Variants in CDC25B observed in about 807,000 individuals in gnomAD.
CDC25B encodes the protein cell division cycle 25B, also known as M-phase inducer phosphatase 2.
In CDC25B, 33 loss-of-function variants were observed where a neutral mutation model predicts 69.8. The ratio of observed to expected loss-of-function variants is 0.47; its 90% CI spans 0.36 to 0.63. The LOEUF (loss-of-function observed/expected upper bound fraction) is 0.63, where lower values mean the gene tolerates loss of function less well. Ranked by LOEUF, CDC25B falls within the 30% of genes least tolerant of loss-of-function variation. The probability of loss-of-function intolerance (pLI) is 0.00; values close to 1 mark genes in which losing one functional copy is unlikely to be tolerated. For missense variants in CDC25B, 727 were observed against 809.1 expected (o/e 0.90, Z 1.23); for synonymous variants, 341 against 314.6 (o/e 1.08, Z -0.89).
Position 3,802,017 on chromosome 20 carries a change from C to T in CDC25B, c.1015C>T (p.Pro339Ser). The T allele has an allele frequency of 6.3e-7, 1 of 1,594,766 alleles. No homozygotes were observed. Among genetic ancestry groups the T allele is most frequent in the African/African-American group, 1.3e-5 (1 of 74,388 alleles). The stretch of plus-strand genomic sequence containing the variant: ...GCCCATCCTCAAGAGGCTGGAGCGG[C>T]CCCAGGACAGGGACACGCCCGTGCA... ...IRPILKRLER[P>S]QDRDTPVQNK... Residue 339 changes from proline (P) to serine (S), a missense_variant, in exon 10 of 16, where the codon CCC becomes TCC. Around this residue, in one of 2 missense-constraint regions of CDC25B, gnomAD observed 359 missense variants for 463.4 expected, o/e 0.77. Coordinates refer to ENST00000245960, the MANE Select transcript of CDC25B (RefSeq NM_021873.4).
upstream of CDC25B, among the ~76,000 whole-genome samples, chr20:3,793,214 T>C (rs1046303957): frequency 3.3e-5 from 5 of 152,174 alleles, no homozygotes; most frequent in Non-Finnish European, 7.4e-5. Flanking sequence ...TCCTAGCACT[T>C]TGGGAGGCCG....
intron 7 of CDC25B, 23 bp from the exon 8 acceptor site, chr20:3,801,231 G>C: frequency 6.2e-7 from 1 of 1,612,280 alleles, no homozygotes; most frequent in Non-Finnish European, 8.5e-7. Flanking sequence ...CTCTAAGTCT[G>C]TGTCTGTCTG....
At chr20:3,787,666 G>A (rs1156449143) in intron 1 of CDC25B, among the ~76,000 whole-genome samples, 9 of 152,170 alleles carry the variant, frequency 5.9e-5, no homozygotes, top group African/African-American at 2.2e-4. Flanking sequence ...ATGTATAGCT[G>A]TGTTTTTAAA....
At chr20:3,800,210 T>TGACTGGAGACCTGGTGCTAG in intron 3 of CDC25B, 78 bp from the exon 4 acceptor site, 2 of 1,285,612 alleles carry the variant, frequency 1.6e-6, no homozygotes, top group Non-Finnish European at 2.2e-6. Context: ...TACTCCCCCC[T>TGACTGGAGACCTGGTGCTAG]GGACTGGGGG....
intron 2 of CDC25B, 101 bp downstream of exon 2, chr20:3,797,850 C>T: frequency 6.9e-7 from 1 of 1,440,368 alleles, no homozygotes; most frequent in Non-Finnish European, 9.5e-7. Context: ...TAACATCCTC[C>T]CCACAACCTG....
Position 3,798,731 on chromosome 20 carries a change from A to G in CDC25B, c.380+268A>G, listed in dbSNP as rs11569990. Among the ~76,000 whole-genome samples, 16 of 152,356 alleles carry G rather than the reference A, an allele frequency of 1.1e-4. 1 individual carries two copies. The East Asian group carries it at 3.1e-3, about 29-fold the overall frequency. ...GACAGTGGCCACTGGGAGAGCAGAT[A>G]CTAGACTACAGCCCATGTCTTGCAG... On this transcript the variant is annotated intron_variant, in intron 3 of 15. Coordinates refer to ENST00000245960, the MANE Select transcript of CDC25B (RefSeq NM_021873.4).
At chr20:3,790,751 G>T (rs531159855) in intron 1 of CDC25B, among the ~76,000 whole-genome samples, 39 of 152,084 alleles carry the variant, frequency 2.6e-4, no homozygotes, top group African/African-American at 7.7e-4. Context: ...TGTATTTTTA[G>T]TAGAGACAGG....
At chr20:3,790,124 A>G (rs1052146335) in intron 1 of CDC25B, among the ~76,000 whole-genome samples, 2 of 152,060 alleles carry the variant, frequency 1.3e-5, no homozygotes, top group Non-Finnish European at 2.9e-5. Flanking sequence ...CCACTGCATT[A>G]CAGCTTGGGT....
chr20:3,802,766 C>T, intron 11 of CDC25B, 144 bp from the exon 12 acceptor site: 1 of 679,580 alleles, frequency 1.5e-6, no homozygotes, highest in Non-Finnish European at 2.6e-6. Context: ...AGGTGCCTCT[C>T]AGTTGCCATG....
Position 3,796,414 on chromosome 20 carries a change from TCCTTCCCCCCCCCC to T in CDC25B, c.-115_-102del. 7.3e-6 allele frequency: 1 copy of T among 137,704 alleles called. No homozygotes were observed. The highest frequency in any genetic ancestry group is 3.1e-4 in the African/African-American group (1 of 3,184). 8.5% of individuals were successfully genotyped at this position (137,704 alleles called of 1,614,324 possible). On this transcript the variant is annotated 5_prime_UTR_variant, in exon 1 of 16. Coordinates refer to ENST00000245960, the MANE Select transcript of CDC25B (RefSeq NM_021873.4). ...GGCCCTGTGGCTCTTCCTCCCTCCCTCCTTCCCCCCCCCCCCACCCCTCGCCCGCTGCCTCCCTC... is the reference window on the plus strand; with the variant it reads ...GGCCCTGTGGCTCTTCCTCCCTCCCTCCACCCCTCGCCCGCTGCCTCCCTC...
At chr20:3,795,959 T>TC (rs1364674004), upstream of CDC25B, 1 of 987,396 alleles carries the variant, frequency 1.0e-6, no homozygotes, top group African/African-American at 1.7e-5. Flanking sequence ...TTGGAGCCTC[T>TC]CCCCATCCCT....
chr20:3,796,926 A>C (rs1380091446), intron 1 of CDC25B, among the ~76,000 whole-genome samples, 195 bp downstream of exon 1: 1 of 151,982 alleles, frequency 6.6e-6, no homozygotes, highest in Non-Finnish European at 1.5e-5. Context: ...TGTGCCCCCC[A>C]CACCTCCAGG....
At chr20:3,794,746 C>T (rs1427920442), upstream of CDC25B, among the ~76,000 whole-genome samples, 1 of 152,144 alleles carries the variant, frequency 6.6e-6, no homozygotes, top group African/African-American at 2.4e-5. Flanking sequence ...CCTTGGCCAC[C>T]CCTCTCAGGT....
chr20:3,805,304 T>G lies in CDC25B; in HGVS notation c.*343T>G. On this transcript the variant is annotated 3_prime_UTR_variant, in exon 16 of 16. Coordinates refer to ENST00000245960, the MANE Select transcript of CDC25B (RefSeq NM_021873.4). ...GTGTCCTGAAACGCTCCTTTGTGTG[T>G]GTGTCAGCTGAGGCTGGGGGAGAGC... The G allele has an allele frequency of 3.0e-6, 1 of 334,790 alleles. No individual in the cohort carries two copies. Among genetic ancestry groups the G allele is most frequent in the Non-Finnish European group, 5.6e-6 (1 of 178,094 alleles). 20.7% of individuals were successfully genotyped at this position (334,790 alleles called of 1,614,324 possible). A position where few individuals can be genotyped will look rare whatever the true frequency, so the allele number is the denominator to read the frequency against.
chr20:3,801,504 A>T (rs1177981822), intron 8 of CDC25B, 116 bp downstream of exon 8: 3 of 1,327,600 alleles, frequency 2.3e-6, no homozygotes, highest in Admixed American at 2.3e-5. Flanking sequence ...CAGAAGAAGA[A>T]TCTGAGGTAA....
Position 3,804,871 on chromosome 20 carries a change from G to A in CDC25B, c.1653G>A (p.Lys551=). The change falls in exon 16 of 16, where the codon AAG becomes AAA. Residue 551 remains lysine (K), a synonymous_variant. Coordinates refer to ENST00000245960, the MANE Select transcript of CDC25B (RefSeq NM_021873.4). ...DYRPMNHEAF[K]DELKTFRLKT... ...GGCCCATGAACCACGAGGCCTTCAA[G>A]GATGAGCTAAAGACCTTCCGCCTCA... The A allele has an allele frequency of 6.2e-7, 1 of 1,614,186 alleles. No individual in the cohort carries two copies. Among genetic ancestry groups the A allele is most frequent in the African/African-American group, 1.3e-5 (1 of 75,054 alleles).
chr20:3,787,507 G>A (rs1354777214), intron 1 of CDC25B, among the ~76,000 whole-genome samples: 1 of 152,170 alleles, frequency 6.6e-6, no homozygotes. Flanking sequence ...ATCTTGGTGT[G>A]TCACTTTCTG....
At chr20:3,795,739 T>C, upstream of CDC25B, 7 of 985,524 alleles carry the variant, frequency 7.1e-6, no homozygotes, top group South Asian at 2.8e-4. Context: ...GAATGACGTT[T>C]TGCTGCTGCT....
At chr20:3,788,216 G>A (rs2088857720) in intron 1 of CDC25B, among the ~76,000 whole-genome samples, 1 of 152,112 alleles carries the variant, frequency 6.6e-6, no homozygotes, top group South Asian at 2.1e-4. Flanking sequence ...AGAAAAACCA[G>A]GCTACTGTGG....
Sources: allele counts gnomAD v4.1 joint callset (sites outside exome capture counted in the v4.1 genomes callset), GRCh38; gene constraint gnomAD v4.1.1; regional missense constraint gnomAD v4.1.1; transcripts MANE v1.5; gene names NCBI Gene and HGNC (gene_info 2026-07-23, HGNC 2026-07-21).